The following MAN1C1 variants were observed in gnomAD, a reference collection of about 807,000 sequenced individuals.
The protein encoded by MAN1C1 is mannosidase alpha class 1C member 1.
A neutral mutation model predicts 71.5 loss-of-function variants in MAN1C1; 49 were observed. That is an observed-to-expected ratio of 0.69 (90% CI 0.54 to 0.87). MAN1C1 has a LOEUF of 0.87. Ranked by LOEUF, MAN1C1 falls within the 40% of genes least tolerant of loss-of-function variation. The pLI is 0.00. For missense variants in MAN1C1, 743 were observed against 835.0 expected, an observed-to-expected ratio of 0.89 and a Z score of 1.36; for synonymous variants, 352 against 343.7, an observed-to-expected ratio of 1.02 and a Z score of -0.27.
intron 1 of MAN1C1, among the ~76,000 whole-genome samples, chr1:25,657,104 C>T (rs748735059): frequency 4.7e-4 from 71 of 152,174 alleles, no homozygotes; most frequent in Non-Finnish European, 8.8e-4. Flanking sequence ...GGATTACAGG[C>T]GTGAGCCACC....
chr1:25,638,922 A>G (rs1369899911), intron 1 of MAN1C1, among the ~76,000 whole-genome samples: 1 of 152,126 alleles, frequency 6.6e-6, no homozygotes, highest in African/African-American at 2.4e-5. Context: ...CAGTTTGGAA[A>G]AAGTTTGGCC....
At chr1:25,773,639 ATAAAGT>A (rs1446526250) in intron 8 of MAN1C1, among the ~76,000 whole-genome samples, 1 of 152,246 alleles carries the variant, frequency 6.6e-6, no homozygotes, top group Non-Finnish European at 1.5e-5. Context: ...CAGAGTAAAC[ATAAAGT>A]TAATGAGCAG....
chr1:25,666,086 A>G (rs1347955937), intron 1 of MAN1C1, among the ~76,000 whole-genome samples: 1 of 152,106 alleles, frequency 6.6e-6, no homozygotes, highest in Non-Finnish European at 1.5e-5. Flanking sequence ...TTGGAAGAAA[A>G]AAAAACCCTC....
At chr1:25,652,781 G>A (rs1427041388) in intron 1 of MAN1C1, among the ~76,000 whole-genome samples, 2 of 152,298 alleles carry the variant, frequency 1.3e-5, no homozygotes, top group East Asian at 3.9e-4. Flanking sequence ...AGGGTGCCTG[G>A]CCCGTAGGAG....
chr1:25,682,126 A>G lies in MAN1C1; in HGVS notation c.541-4314A>G, dbSNP rs74638291. Among the ~76,000 whole-genome samples the G allele has an allele frequency of 1.7e-3, 260 of 152,338 alleles. 1 individual carries two copies. The highest frequency in any genetic ancestry group is 6.0e-3 in the African/African-American group (251 of 41,574). On this transcript the variant is annotated intron_variant, in intron 1 of 11. Coordinates refer to ENST00000374332, the MANE Select transcript of MAN1C1 (RefSeq NM_020379.4). ...ATGAATGACATCAAAACAAACAAAC[A>G]AAGAACAGAGCTGGGTCCAGGAGAG...
At position 25,735,042 on chromosome 1, in the gene MAN1C1, A is replaced by C. The variant is rs2046962231; in HGVS notation, c.638-11626A>C. Among the ~76,000 whole-genome samples the C allele has an allele frequency of 6.6e-6, 1 of 152,208 alleles. No individual in the cohort carries two copies. Among genetic ancestry groups the C allele is most frequent in the African/African-American group, 2.4e-5 (1 of 41,456 alleles). Reference sequence around the variant, plus strand: ...CCAGGTAGAGAAAACAGCTTGAAGAAAGGGCTGGAGGCTGGAGAGAGTGGG... The same window carrying C: ...CCAGGTAGAGAAAACAGCTTGAAGACAGGGCTGGAGGCTGGAGAGAGTGGG... On this transcript the variant is annotated intron_variant, in intron 2 of 11. Coordinates refer to ENST00000374332, the MANE Select transcript of MAN1C1 (RefSeq NM_020379.4). This position sits in a 1 kb window ranked among gnomAD's most constrained non-coding sequence, Gnocchi z 4.6.
At chr1:25,676,126 C>T (rs1167405702) in intron 1 of MAN1C1, among the ~76,000 whole-genome samples, 2 of 152,164 alleles carry the variant, frequency 1.3e-5, no homozygotes, top group African/African-American at 2.4e-5. Context: ...CCCACACTCT[C>T]GACCCTGATG....
In MAN1C1 at chr1:25,769,603, C is replaced by T. The variant is rs774286609; in HGVS notation, c.1142-2054C>T. Among the ~76,000 whole-genome samples, 9 of 152,198 alleles carry T rather than the reference C, an allele frequency of 5.9e-5. No homozygotes were observed. The highest frequency in any genetic ancestry group is 1.3e-4 in the Non-Finnish European group (9 of 68,042). On this transcript the variant is annotated intron_variant, in intron 7 of 11. Transcript: ENST00000374332. This position sits in a 1 kb window ranked among gnomAD's most constrained non-coding sequence, Gnocchi z 4.8. ...GGCTAAACTCCTTGGCTTGGCATTC[C>T]AGGCCCTTCCTGGCACAGCCCAAGC...
chr1:25,772,586 C>T (rs2047568309), intron 8 of MAN1C1, among the ~76,000 whole-genome samples: 1 of 138,786 alleles, frequency 7.2e-6, no homozygotes, highest in Non-Finnish European at 1.6e-5. Context: ...GTCGGATCTA[C>T]TCTGCCACCA....
At chr1:25,752,397 C>T (rs2047228779) in intron 4 of MAN1C1, among the ~76,000 whole-genome samples, 2 of 152,160 alleles carry the variant, frequency 1.3e-5, no homozygotes, top group South Asian at 4.1e-4. Flanking sequence ...GAACTCCTGA[C>T]CTCAGGTGAT....
At chr1:25,740,581 C>T (rs902871888) in intron 2 of MAN1C1, among the ~76,000 whole-genome samples, 5 of 152,108 alleles carry the variant, frequency 3.3e-5, no homozygotes, top group Admixed American at 6.5e-5. Context: ...GGACTATAGG[C>T]GCCCGCCACC....
chr1:25,779,186 G>A lies in MAN1C1; in HGVS notation c.1477+862G>A, dbSNP rs576853911. On this transcript the variant is annotated intron_variant, in intron 9 of 11. Transcript: ENST00000374332. This position sits in a 1 kb window ranked among gnomAD's most constrained non-coding sequence, Gnocchi z 4.6. The stretch of plus-strand genomic sequence containing the variant: ...AGTAAAAATCCCAGGCTCAAGCAGC[G>A]CTTGACAAAATGACTGTTTTCTGAT... Among the ~76,000 whole-genome samples the A allele has an allele frequency of 4.0e-4, 61 of 152,310 alleles. No homozygotes were observed. The highest frequency in any genetic ancestry group is 2.5e-3 in the Admixed American group (38 of 15,296).
intron 3 of MAN1C1, 119 bp from the exon 4 acceptor site, chr1:25,749,136 C>G (rs1422058179): frequency 4.2e-6 from 3 of 715,270 alleles, no homozygotes; most frequent in Non-Finnish European, 4.5e-6. Context: ...GTCACCTTGC[C>G]TGGCTTACCA....
At chr1:25,649,620 GT>G (rs1489890262) in intron 1 of MAN1C1, among the ~76,000 whole-genome samples, 4 of 152,158 alleles carry the variant, frequency 2.6e-5, no homozygotes, top group African/African-American at 9.7e-5. Flanking sequence ...CCTTTCCCCA[GT>G]TTTGGGGCTG....
Position 25,778,042 on chromosome 1 carries a change from T to TC in MAN1C1, c.1258-56dup, listed in dbSNP as rs544681452. On this transcript the variant is annotated intron_variant, in intron 8 of 11. Transcript: ENST00000374332. The surrounding 1 kb of genome is among the most constrained non-coding windows in gnomAD (Gnocchi z 5.5). ...TCCAAAATGTTCATTTTCCATCCTT[T>TC]CCCCCCCTTCTCTGTGCCCTCCCAC... is the stretch of plus-strand genomic sequence containing the variant. 31 of 1,255,558 alleles carry TC rather than the reference T, an allele frequency of 2.5e-5. No individual in the cohort carries two copies. Among genetic ancestry groups the TC allele is most frequent in the South Asian group, 3.0e-5 (2 of 66,680 alleles). The allele number at this position is 1,255,558 out of a possible 1,614,324, so 77.8% of individuals were successfully genotyped here. A position where few individuals can be genotyped will look rare whatever the true frequency, so the allele number is the denominator to read the frequency against.
At chr1:25,768,462 TCA>T (rs753824773) in intron 7 of MAN1C1, among the ~76,000 whole-genome samples, 203 of 74,492 alleles carry the variant, frequency 2.7e-3, no homozygotes, top group Non-Finnish European at 4.5e-3. Flanking sequence ...CACACTCCCC[TCA>T]CACACACACA....
At position 25,631,387 on chromosome 1, in the gene MAN1C1, A is replaced by G. The variant is rs1305374999; in HGVS notation, c.540+13050A>G. ...GATGTTGGTTATGGGTTTGTCATATATGGCTTTTATTATTTTGAGATAAGT... is the reference window on the plus strand; with the variant it reads ...GATGTTGGTTATGGGTTTGTCATATGTGGCTTTTATTATTTTGAGATAAGT... On this transcript the variant is annotated intron_variant, in intron 1 of 11. Transcript: ENST00000374332. This position sits in a 1 kb window ranked among gnomAD's most constrained non-coding sequence, Gnocchi z 4.2. Among the ~76,000 whole-genome samples, 2 of 152,134 alleles carry G rather than the reference A, an allele frequency of 1.3e-5. No individual in the cohort carries two copies.
intron 1 of MAN1C1, among the ~76,000 whole-genome samples, chr1:25,622,149 T>C (rs1000046062): frequency 1.3e-5 from 2 of 152,154 alleles, no homozygotes; most frequent in African/African-American, 4.8e-5. Context: ...GAGGAGAATG[T>C]GGATTGAATT....
chr1:25,732,980 C>G (rs1167592016), intron 2 of MAN1C1, among the ~76,000 whole-genome samples: 3 of 152,154 alleles, frequency 2.0e-5, no homozygotes, highest in African/African-American at 7.2e-5. Flanking sequence ...CAATGTATAC[C>G]CAAGACAGCA....
Sources: allele counts gnomAD v4.1 joint callset (sites outside exome capture counted in the v4.1 genomes callset), GRCh38; gene constraint gnomAD v4.1.1; non-coding constraint Gnocchi (gnomAD v3.1); transcripts MANE v1.5; gene names NCBI Gene and HGNC (gene_info 2026-07-23, HGNC 2026-07-21).